CDH9: variants seen among roughly 807,000 people sequenced by gnomAD.
The protein encoded by CDH9 is cadherin-9.
In CDH9, 28 loss-of-function variants were observed where a neutral mutation model predicts 70.9. The observed-to-expected ratio is 0.40, with a 90% confidence interval of 0.29 to 0.54. The LOEUF (loss-of-function observed/expected upper bound fraction) is 0.54, where lower values mean the gene tolerates loss of function less well. Among genes scored for constraint, CDH9 ranks in the 20% least tolerant of loss-of-function variants. The pLI is 0.59. For missense variants in CDH9, 874 were observed against 984.4 expected, an observed-to-expected ratio of 0.89 and a Z score of 1.50; for synonymous variants, 409 against 343.1, an observed-to-expected ratio of 1.19 and a Z score of -2.12.
At chr5:26,951,955 T>TTTTATTTTAC (rs1341306139) in intron 2 of CDH9, among the ~76,000 whole-genome samples, 29 of 139,554 alleles carry the variant, frequency 2.1e-4, no homozygotes, top group Middle Eastern at 3.5e-3. Context: ...ATTTATTTTA[T>TTTTATTTTAC]TTTATTTTAT....
At chr5:26,895,194 C>G (rs1270582560) in intron 7 of CDH9, among the ~76,000 whole-genome samples, 1 of 151,960 alleles carries the variant, frequency 6.6e-6, no homozygotes, top group Admixed American at 6.6e-5. Flanking sequence ...CTACTGCTTT[C>G]CAGAAACATG....
In CDH9 at chr5:26,988,393, A is replaced by G; in HGVS notation, c.-49-11T>C. On this transcript the variant is annotated splice_polypyrimidine_tract_variant and intron_variant, in intron 1 of 11. Transcript: ENST00000231021. ...TATTGTTTGTTTTTCCTAAAGAGTA[A>G]GGAGAAAAAAAATGGCTGTATTAGC... 1 of 1,570,154 alleles carries G rather than the reference A, an allele frequency of 6.4e-7. No individual in the cohort carries two copies. The highest frequency in any genetic ancestry group is 8.6e-7 in the Non-Finnish European group (1 of 1,158,198).
chr5:27,032,392 G>A (rs1482338382), intron 1 of CDH9, among the ~76,000 whole-genome samples: 1 of 151,530 alleles, frequency 6.6e-6, no homozygotes, highest in Non-Finnish European at 1.5e-5. Flanking sequence ...TATTATAATA[G>A]TTAATTATTT....
At chr5:26,939,915 T>G (rs1741630053) in intron 2 of CDH9, among the ~76,000 whole-genome samples, 1 of 152,066 alleles carries the variant, frequency 6.6e-6, no homozygotes, top group Admixed American at 6.6e-5. Context: ...TTTGGGAGGC[T>G]GAGGCGACTG....
chr5:27,026,260 T>G (rs185012508), intron 1 of CDH9, among the ~76,000 whole-genome samples: 1 of 152,142 alleles, frequency 6.6e-6, no homozygotes, highest in Admixed American at 6.6e-5. Context: ...ATTGCTGAGA[T>G]AAGCATAATA....
chr5:27,036,707 A>T (rs1015395937), intron 1 of CDH9, among the ~76,000 whole-genome samples: 1 of 151,866 alleles, frequency 6.6e-6, no homozygotes, highest in Non-Finnish European at 1.5e-5. Context: ...GGATTTGCTC[A>T]TAATATGTAC....
chr5:26,973,970 T>C (rs148089792), intron 2 of CDH9, among the ~76,000 whole-genome samples: 168 of 152,164 alleles, frequency 1.1e-3, no homozygotes, highest in African/African-American at 3.8e-3. Context: ...TATAGCTGGG[T>C]GTGATGGCTC....
rs371804173 is a variant in CDH9, at chr5:26,906,098, C to G, written c.672G>C (p.Met224Ile). 5.6e-6 allele frequency: 9 copies of G among 1,613,158 alleles called. No individual in the cohort carries two copies. The highest frequency in any genetic ancestry group is 1.3e-5 in the African/African-American group (1 of 74,906). The change falls in exon 5 of 12, where the codon ATG becomes ATC. Residue 224 changes from methionine (M) to isoleucine (I), a missense_variant. Transcript: ENST00000231021. ...SGIIKTALPD[M>I]SRENREQYQV... Reference sequence around the variant, plus strand: ...GGTACTGCTCTCTATTTTCTCTGCTCATGTCTGGTAATGCAGTTTTTATTA... The same window carrying G: ...GGTACTGCTCTCTATTTTCTCTGCTGATGTCTGGTAATGCAGTTTTTATTA...
chr5:26,932,021 T>C (rs1741471929), intron 2 of CDH9, among the ~76,000 whole-genome samples: 2 of 152,176 alleles, frequency 1.3e-5, no homozygotes. Context: ...CATAGTCAAA[T>C]TGATAAAAGC....
At chr5:26,991,187 G>A (rs561569767) in intron 1 of CDH9, among the ~76,000 whole-genome samples, 2 of 152,316 alleles carry the variant, frequency 1.3e-5, no homozygotes, top group South Asian at 2.1e-4. Flanking sequence ...AAGGCATATA[G>A]AGAAGTGGTT....
rs185028102 is a variant in CDH9, at chr5:27,024,906, C to T, written c.-50+13557G>A. Among the ~76,000 whole-genome samples, 28 of 151,948 alleles carry T rather than the reference C, an allele frequency of 1.8e-4. 1 individual carries two copies. The highest frequency in any genetic ancestry group is 1.4e-3 in the Admixed American group (21 of 15,206). On this transcript the variant is annotated intron_variant, in intron 1 of 11. Coordinates refer to ENST00000231021, the MANE Select transcript of CDH9 (RefSeq NM_016279.4). ...GAAAGTAGGAGACATAGAGTTAGCACGGATCAAAAGTCATAAATACCATAT... is the reference window on the plus strand; with the variant it reads ...GAAAGTAGGAGACATAGAGTTAGCATGGATCAAAAGTCATAAATACCATAT...
intron 2 of CDH9, among the ~76,000 whole-genome samples, chr5:26,943,636 T>C (rs1455278820): frequency 6.6e-6 from 1 of 152,100 alleles, no homozygotes. Context: ...GATACTTCAA[T>C]TGAGGCTGTG....
intron 2 of CDH9, among the ~76,000 whole-genome samples, chr5:26,939,420 G>A (rs1386573101): frequency 6.6e-6 from 1 of 151,004 alleles, no homozygotes; most frequent in Non-Finnish European, 1.5e-5. Flanking sequence ...ATTTTAACTG[G>A]TTACCAAAAG....
chr5:26,883,198 C>A (rs1224968032), intron 11 of CDH9, among the ~76,000 whole-genome samples: 3 of 149,096 alleles, frequency 2.0e-5, no homozygotes, highest in African/African-American at 4.9e-5. Context: ...TTGAGCCATG[C>A]ACTAGAAAAA....
intron 1 of CDH9, among the ~76,000 whole-genome samples, chr5:26,991,748 A>G (rs1742582758): frequency 6.6e-6 from 1 of 152,176 alleles, no homozygotes; most frequent in Non-Finnish European, 1.5e-5. Flanking sequence ...AATAAGGTGT[A>G]ACTTCTAGAT....
At chr5:26,996,111 C>T (rs1742661484) in intron 1 of CDH9, among the ~76,000 whole-genome samples, 1 of 151,950 alleles carries the variant, frequency 6.6e-6, no homozygotes. Context: ...TACACATATA[C>T]ACTTACAGAA....
intron 2 of CDH9, among the ~76,000 whole-genome samples, chr5:26,985,026 T>C (rs1042393040): frequency 6.6e-6 from 1 of 152,092 alleles, no homozygotes; most frequent in African/African-American, 2.4e-5. Context: ...GAAAGAAAAC[T>C]CATTATTTCA....
intron 2 of CDH9, among the ~76,000 whole-genome samples, chr5:26,954,551 A>AT (rs1164760127): frequency 6.6e-6 from 1 of 151,394 alleles, no homozygotes; most frequent in Non-Finnish European, 1.5e-5. Flanking sequence ...CACCCAGCTA[A>AT]TTTTTTGTAT....
chr5:26,989,281 T>C (rs187556768), intron 1 of CDH9, among the ~76,000 whole-genome samples: 1 of 152,206 alleles, frequency 6.6e-6, no homozygotes, highest in East Asian at 1.9e-4. Context: ...TCAAATTGGT[T>C]TTAATTTGTA....
Sources: allele counts gnomAD v4.1 joint callset (sites outside exome capture counted in the v4.1 genomes callset), GRCh38; gene constraint gnomAD v4.1.1; transcripts MANE v1.5; gene names NCBI Gene and HGNC (gene_info 2026-07-23, HGNC 2026-07-21).